Variants in DCDC1 observed in about 807,000 individuals in gnomAD.
The protein encoded by DCDC1 is doublecortin domain-containing protein 1.
Under a neutral mutation model 178.3 loss-of-function variants are expected in DCDC1, and 200 were observed. The ratio of observed to expected loss-of-function variants is 1.12; its 90% CI spans 1.00 to 1.26. DCDC1 has a LOEUF of 1.26. Among genes scored for constraint, DCDC1 ranks in the 50% most tolerant of loss-of-function variants. The pLI, the probability that DCDC1 is intolerant of heterozygous loss-of-function variation, is 0.00. For synonymous variants in DCDC1, 690 were observed against 604.8 expected (o/e 1.14, Z -2.07); for missense variants, 1,983 against 1,749.2 (o/e 1.13, Z -2.38).
chr11:30,914,514 A>G (rs1322477314), intron 27 of DCDC1, among the ~76,000 whole-genome samples: 1 of 152,204 alleles, frequency 6.6e-6, no homozygotes, highest in Non-Finnish European at 1.5e-5. Flanking sequence ...TCAAGAGATT[A>G]AAGAGGTCCC....
intron 8 of DCDC1, among the ~76,000 whole-genome samples, chr11:31,261,797 G>C (rs939022420): frequency 1.3e-5 from 2 of 152,112 alleles, no homozygotes; most frequent in Admixed American, 6.6e-5. Flanking sequence ...TAGGTGAGTA[G>C]GTGTACTCCT....
chr11:31,307,431 C>T (rs939091796), intron 4 of DCDC1: 13 of 562,394 alleles, frequency 2.3e-5, no homozygotes, highest in Non-Finnish European at 3.3e-5. Context: ...TCTGATTGCC[C>T]GGGTTGAAGT....
At chr11:31,113,114 A>G (rs1959227620) in intron 11 of DCDC1, among the ~76,000 whole-genome samples, 1 of 152,194 alleles carries the variant, frequency 6.6e-6, no homozygotes. Context: ...AAAACTAGTT[A>G]TGAAATACTC....
chr11:31,080,843 C>T (rs574383439), intron 17 of DCDC1, among the ~76,000 whole-genome samples: 3 of 152,184 alleles, frequency 2.0e-5, no homozygotes, highest in South Asian at 2.1e-4. Context: ...TATATTTCTT[C>T]GAGATAAATG....
intron 36 of DCDC1, among the ~76,000 whole-genome samples, chr11:30,888,072 G>A (rs1467925044): frequency 3.0e-4 from 30 of 100,604 alleles, no homozygotes; most frequent in African/African-American, 8.8e-4. Context: ...GAGAGAGAGA[G>A]AGAGAGAGAG....
chr11:30,896,947 T>A (rs1944270615), intron 34 of DCDC1, among the ~76,000 whole-genome samples: 1 of 152,332 alleles, frequency 6.6e-6, no homozygotes, highest in South Asian at 2.1e-4. Context: ...CCAATGGCTA[T>A]AATATAGAAT....
chr11:30,971,086 T>C (rs974115684), intron 20 of DCDC1, among the ~76,000 whole-genome samples: 2 of 152,040 alleles, frequency 1.3e-5, no homozygotes, highest in East Asian at 1.9e-4. Context: ...AACAACTCCA[T>C]CCTAATCCAC....
chr11:31,019,886 C>G (rs573973406), intron 20 of DCDC1, among the ~76,000 whole-genome samples: 3 of 152,218 alleles, frequency 2.0e-5, no homozygotes, highest in Non-Finnish European at 2.9e-5. Flanking sequence ...CCCCCACCCC[C>G]CAGTCTGTCT....
chr11:31,002,140 A>T (rs1013242423), intron 20 of DCDC1, among the ~76,000 whole-genome samples: 2 of 152,196 alleles, frequency 1.3e-5, no homozygotes, highest in African/African-American at 4.8e-5. Context: ...GCCACCTATG[A>T]CTTACACATT....
chr11:31,363,974 A>T (rs1467034799), intron 1 of DCDC1, among the ~76,000 whole-genome samples: 6 of 152,162 alleles, frequency 3.9e-5, no homozygotes, highest in Admixed American at 1.3e-4. Flanking sequence ...CAGGCTAGTG[A>T]TAGTTAGTAA....
intron 1 of DCDC1, among the ~76,000 whole-genome samples, chr11:31,342,116 C>A (rs1293067736): frequency 1.3e-5 from 2 of 152,168 alleles, no homozygotes; most frequent in Non-Finnish European, 2.9e-5. Context: ...AGGGAGGGGA[C>A]AGCTGGAGAA....
At chr11:30,898,291 C>T (rs1244944959) in intron 34 of DCDC1, among the ~76,000 whole-genome samples, 1 of 152,124 alleles carries the variant, frequency 6.6e-6, no homozygotes. Flanking sequence ...ACCATTATTT[C>T]TAGAATGGAA....
At chr11:31,148,268 C>T (rs371352450) in intron 9 of DCDC1, among the ~76,000 whole-genome samples, 14 of 149,908 alleles carry the variant, frequency 9.3e-5, no homozygotes, top group African/African-American at 3.0e-4. Context: ...CATTTAAGGC[C>T]GGGCGCCGTG....
intron 20 of DCDC1, among the ~76,000 whole-genome samples, chr11:30,967,333 G>A (rs367909406): frequency 1.3e-5 from 2 of 151,298 alleles, no homozygotes; most frequent in South Asian, 2.1e-4. Context: ...CTTGTAAGTT[G>A]GATTCCTAGG....
chr11:31,132,102 T>G (rs1349519665), intron 10 of DCDC1, among the ~76,000 whole-genome samples: 1 of 152,216 alleles, frequency 6.6e-6, no homozygotes, highest in African/African-American at 2.4e-5. Context: ...TCTGTTAACA[T>G]ATGTGAAACA....
chr11:31,261,398 T>C (rs1944771890), intron 8 of DCDC1, among the ~76,000 whole-genome samples: 1 of 152,180 alleles, frequency 6.6e-6, no homozygotes, highest in African/African-American at 2.4e-5. Flanking sequence ...GCACAATGTA[T>C]TGTTTATGCA....
At chr11:31,319,124 T>A (rs1949233060) in intron 3 of DCDC1, among the ~76,000 whole-genome samples, 1 of 17,380 alleles carries the variant, frequency 5.8e-5, no homozygotes, top group South Asian at 1.7e-3. Flanking sequence ...CTGAAAAAAA[T>A]GTATATTCTG....
At chr11:30,898,880 T>C (rs777838104) in intron 34 of DCDC1, among the ~76,000 whole-genome samples, 16 of 152,276 alleles carry the variant, frequency 1.1e-4, no homozygotes, top group Admixed American at 2.0e-4. Context: ...TGTTCCTTCC[T>C]AGACTCAAGT....
chr11:31,094,230 G>A (rs1442507402), intron 15 of DCDC1, 46 bp from the exon 16 acceptor site: 1 of 758,150 alleles, frequency 1.3e-6, no homozygotes, highest in South Asian at 1.4e-5. Flanking sequence ...TAGTCTAAGA[G>A]TTAAACTCCT....
Sources: gnomAD v4.1 joint callset for allele counts (sites outside exome capture counted in the v4.1 genomes callset) on GRCh38, gnomAD v4.1.1 for gene constraint, MANE v1.5 for transcripts, NCBI Gene and HGNC (gene_info 2026-07-23, HGNC 2026-07-21) for gene names.